CDA: variants seen among roughly 807,000 people sequenced by gnomAD.
The protein encoded by CDA is cytidine deaminase, also known as cytidine aminohydrolase.
In CDA, 7 loss-of-function variants were observed where a neutral mutation model predicts 15.0. The ratio of observed to expected loss-of-function variants is 0.47; its 90% confidence interval spans 0.26 to 0.87. The LOEUF is 0.87. Among genes scored for constraint, CDA ranks in the 40% least tolerant of loss-of-function variants. The pLI is 0.15. For synonymous variants in CDA, 58 were observed against 73.0 expected, an observed-to-expected ratio of 0.79 and a Z score of 1.05; for missense variants, 159 against 182.7, an observed-to-expected ratio of 0.87 and a Z score of 0.75.
intron 1 of CDA, among the ~76,000 whole-genome samples, chr1:20,590,382 C>T (rs1429516319): frequency 6.6e-6 from 1 of 152,170 alleles, no homozygotes; most frequent in East Asian, 1.9e-4. Flanking sequence ...TCTCTGAGTA[C>T]CGTGTTGAAA....
intron 1 of CDA, among the ~76,000 whole-genome samples, chr1:20,594,832 C>A (rs555538389): frequency 2.2e-3 from 329 of 151,216 alleles, no homozygotes; most frequent in Non-Finnish European, 2.9e-3. Context: ...AGAAAGAAAG[C>A]AAAGAAAATG....
At chr1:20,604,472 C>T (rs572649378) in intron 1 of CDA, among the ~76,000 whole-genome samples, 2 of 152,280 alleles carry the variant, frequency 1.3e-5, no homozygotes, top group East Asian at 1.9e-4. Flanking sequence ...CCTCCAAAGG[C>T]CCCACTTCCT....
intron 1 of CDA, among the ~76,000 whole-genome samples, chr1:20,589,566 C>T (rs2052529826): frequency 6.6e-6 from 1 of 152,170 alleles, no homozygotes; most frequent in African/African-American, 2.4e-5. Context: ...ATCAACAGTC[C>T]TGGGGTGCAG....
At chr1:20,607,633 C>T (rs983805451) in intron 2 of CDA, among the ~76,000 whole-genome samples, 6 of 152,160 alleles carry the variant, frequency 3.9e-5, no homozygotes, top group Non-Finnish European at 2.9e-5. Context: ...GACTTTTAAA[C>T]AAAACTAAGT....
At chr1:20,609,825 C>A (rs1355450094) in intron 2 of CDA, among the ~76,000 whole-genome samples, 1 of 152,176 alleles carries the variant, frequency 6.6e-6, no homozygotes, top group South Asian at 2.1e-4. Context: ...AGAGTTCACT[C>A]GGCATCCTGG....
chr1:20,596,078 G>A (rs1031779165), intron 1 of CDA, among the ~76,000 whole-genome samples: 1 of 152,188 alleles, frequency 6.6e-6, no homozygotes, highest in African/African-American at 2.4e-5. Context: ...GAACCTGGGA[G>A]GCGGAGGTTG....
At chr1:20,596,186 A>G (rs1238905105) in intron 1 of CDA, among the ~76,000 whole-genome samples, 3 of 152,298 alleles carry the variant, frequency 2.0e-5, no homozygotes, top group East Asian at 3.9e-4. Context: ...GGCAAGCTTT[A>G]CTACAGTCCC....
chr1:20,613,998 GGA>G (rs2052780115), intron 3 of CDA, 99 bp downstream of exon 3: 1 of 1,082,402 alleles, frequency 9.2e-7, no homozygotes, highest in Middle Eastern at 2.9e-4. Flanking sequence ...TGGCAGGCGT[GGA>G]GACACAGCTA....
chr1:20,596,998 A>T (rs191385923), intron 1 of CDA, among the ~76,000 whole-genome samples: 1 of 152,094 alleles, frequency 6.6e-6, no homozygotes, highest in East Asian at 1.9e-4. Context: ...CTGGACTCAA[A>T]CAATGCACCC....
chr1:20,611,412 C>T (rs560062693), intron 2 of CDA, among the ~76,000 whole-genome samples: 20 of 152,276 alleles, frequency 1.3e-4, no homozygotes, highest in African/African-American at 3.8e-4. Context: ...GGCGGAGTCT[C>T]GCTCTGTCAC....
intron 2 of CDA, among the ~76,000 whole-genome samples, chr1:20,605,537 G>A (rs1239029201): frequency 8.1e-6 from 1 of 122,776 alleles, no homozygotes; most frequent in African/African-American, 2.9e-5. Flanking sequence ...GCGGATGCTT[G>A]TAGTCCCAGC....
Position 20,610,271 on chromosome 1 carries a change from T to TTTA in CDA, c.267-3568_267-3566dup, listed in dbSNP as rs375309029. On this transcript the variant is annotated intron_variant, in intron 2 of 3. Transcript: ENST00000375071. ...CTAGGCACACATTATCTTTTTTTTTTTTATTTTATTTTATTTTTATTTTTA... is the reference window on the plus strand; with the variant it reads ...CTAGGCACACATTATCTTTTTTTTTTTTATTATTTTATTTTATTTTTATTTTTA... Among the ~76,000 whole-genome samples the TTTA allele has an allele frequency of 4.0e-4, 57 of 141,970 alleles. 2 individuals are homozygous for TTTA. Among genetic ancestry groups the TTTA allele is most frequent in the Admixed American group, 1.0e-3 (15 of 14,448 alleles). 93.1% of individuals were successfully genotyped at this position (141,970 alleles called of 152,430 possible).
At chr1:20,596,727 T>C (rs1198887432) in intron 1 of CDA, among the ~76,000 whole-genome samples, 1 of 148,836 alleles carries the variant, frequency 6.7e-6, no homozygotes, top group Non-Finnish European at 1.5e-5. Flanking sequence ...CCAAATAGCC[T>C]CATTGTGAGC....
At chr1:20,607,123 T>C (rs1291241593) in intron 2 of CDA, among the ~76,000 whole-genome samples, 2 of 152,152 alleles carry the variant, frequency 1.3e-5, no homozygotes, top group Non-Finnish European at 2.9e-5. Flanking sequence ...CTGGCTAAAA[T>C]ACAGAAAGAG....
chr1:20,591,360 A>C (rs918563128), intron 1 of CDA, among the ~76,000 whole-genome samples: 4 of 152,114 alleles, frequency 2.6e-5, no homozygotes, highest in African/African-American at 9.7e-5. Flanking sequence ...CAAACAAAAA[A>C]AAACAAACCC....
At position 20,613,871 on chromosome 1, in the gene CDA, G is replaced by T; in HGVS notation, c.296G>T (p.Cys99Phe). 6.2e-7 allele frequency: 1 copy of T among 1,614,030 alleles called. No homozygotes were observed. The highest frequency in any genetic ancestry group is 8.5e-7 in the Non-Finnish European group (1 of 1,179,962). The change falls in exon 3 of 4, where the codon TGT (cysteine) becomes TTT (phenylalanine). Residue 99 changes from cysteine to phenylalanine, a missense_variant. Transcript: ENST00000375071. Reference protein sequence around the residue: ...SDMQDDFISPCGACRQVMREF... With the variant: ...SDMQDDFISPFGACRQVMREF... ...ATGCAAGATGATTTTATCTCTCCATGTGGGGCCTGCAGGCAAGTCATGAGA... is the reference window on the plus strand; with the variant it reads ...ATGCAAGATGATTTTATCTCTCCATTTGGGGCCTGCAGGCAAGTCATGAGA...
intron 1 of CDA, among the ~76,000 whole-genome samples, chr1:20,600,985 C>T (rs976394520): frequency 6.6e-6 from 1 of 152,092 alleles, no homozygotes; most frequent in Non-Finnish European, 1.5e-5. Context: ...TGTACCCTGC[C>T]CCATATTCCA....
chr1:20,617,169 A>G (rs554193167), intron 3 of CDA, among the ~76,000 whole-genome samples: 2 of 152,204 alleles, frequency 1.3e-5, no homozygotes, highest in East Asian at 3.9e-4. Context: ...GGACCAAGAC[A>G]CTGAGTGAGC....
intron 1 of CDA, among the ~76,000 whole-genome samples, chr1:20,599,082 G>A (rs1462221130): frequency 6.6e-6 from 1 of 152,178 alleles, no homozygotes; most frequent in Non-Finnish European, 1.5e-5. Context: ...CGGAGAAAGC[G>A]TCTCTGAGAA....
Sources: gnomAD v4.1 joint callset for allele counts (sites outside exome capture counted in the v4.1 genomes callset) on GRCh38, gnomAD v4.1.1 for gene constraint, MANE v1.5 for transcripts, NCBI Gene and HGNC (gene_info 2026-07-23, HGNC 2026-07-21) for gene names.